The following ZNF302 variants were observed in gnomAD, a reference collection of about 807,000 sequenced individuals.
The protein encoded by ZNF302 is zinc finger protein 327.
A neutral mutation model predicts 10.8 loss-of-function variants in ZNF302; 12 were observed. That is an observed-to-expected ratio of 1.11 (90% CI 0.71 to 1.79). The LOEUF (loss-of-function observed/expected upper bound fraction) is 1.79, where lower values mean the gene tolerates loss of function less well. ZNF302 is among the 40% of genes most tolerant of loss of function. The pLI is 0.00. For missense variants in ZNF302, 461 were observed against 471.1 expected (o/e 0.98, Z 0.20); for synonymous variants, 178 against 157.5 (o/e 1.13, Z -0.98).
chr19:34,678,925 CT>C lies in ZNF302; in HGVS notation c.9+113del, dbSNP rs1170050138. 7 of 1,266,656 alleles carry C rather than the reference CT, an allele frequency of 5.5e-6. No homozygotes were observed. The East Asian group carries it at 1.4e-4, about 25-fold the overall frequency. 78.5% of individuals were successfully genotyped at this position (1,266,656 alleles called of 1,614,324 possible). ...ATCAAGTCCATTTAAGGGACTAGAT[CT>C]ATGGTTCCTTTCACTATAGGAAGAA... is the stretch of plus-strand genomic sequence containing the variant. On this transcript the variant is annotated intron_variant, in intron 2 of 4. Coordinates refer to ENST00000505242, the MANE Select transcript of ZNF302 (RefSeq NM_001289187.2).
Position 34,678,813 on chromosome 19 carries a change from G to GGTAA in ZNF302, c.9+3_9+6dup, listed in dbSNP as rs1315889819. 1 of 1,613,780 alleles carries GGTAA rather than the reference G, an allele frequency of 6.2e-7. No individual in the cohort carries two copies. Among genetic ancestry groups the GGTAA allele is most frequent in the Non-Finnish European group, 8.5e-7 (1 of 1,179,824 alleles). ...TTGGAAATTGCAGAATAATGTCTCAGGTAAGTCGGTGTGTCCCCAAATCTT... is the reference window on the plus strand; with the variant it reads ...TTGGAAATTGCAGAATAATGTCTCAGGTAAGTAAGTCGGTGTGTCCCCAAATCTT... On this transcript the variant is annotated frameshift_variant and splice_region_variant. Coordinates refer to ENST00000505242, the MANE Select transcript of ZNF302 (RefSeq NM_001289187.2). LOFTEE classifies it high-confidence loss of function.
chr19:34,684,393 C>A lies in ZNF302; in HGVS notation c.356C>A (p.Thr119Lys). 6.2e-7 allele frequency: 1 copy of A among 1,609,778 alleles called. No homozygotes were observed. Among genetic ancestry groups the A allele is most frequent in the Non-Finnish European group, 8.5e-7 (1 of 1,178,560 alleles). The change falls in exon 5 of 5, where the codon ACA (threonine) becomes AAA (lysine). Residue 119 changes from threonine (T) to lysine (K), a missense_variant. By Grantham distance (78) the Thr-to-Lys change is moderately conservative. Coordinates refer to ENST00000505242, the MANE Select transcript of ZNF302 (RefSeq NM_001289187.2). ...AATTCTAATAAGAATTTGGAATATA[C>A]AGAATGCGACACATTTAGAAGCACC... ...FSNSNKNLEY[T>K]ECDTFRSTFH...
intron 2 of ZNF302, chr19:34,680,101 C>T (rs1429163291): frequency 3.2e-6 from 2 of 623,632 alleles, no homozygotes; most frequent in African/African-American, 1.8e-5. Context: ...TTTCTTGAGC[C>T]CTCTGGTGTA....
In ZNF302 at chr19:34,684,483, A is replaced by G; in HGVS notation, c.446A>G (p.Tyr149Cys). Residue 149 changes from tyrosine (Y) to cysteine (C), a missense_variant, in exon 5 of 5, where the codon TAT becomes TGT. Tyr to Cys is a radical substitution (Grantham distance 194). Transcript: ENST00000505242. ...NNSAEGNSHK[Y>C]DILKKNLSKK... is the part of the protein sequence containing the mutation. ...TCTGCTGAAGGGAATTCACACAAAT[A>G]TGATATATTAAAGAAGAATTTATCA... 6.2e-7 allele frequency: 1 copy of G among 1,612,734 alleles called. No homozygotes were observed. Among genetic ancestry groups the G allele is most frequent in the East Asian group, 2.2e-5 (1 of 44,854 alleles).
At chr19:34,682,453 TGA>T in intron 2 of ZNF302, 1 of 204,704 alleles carries the variant, frequency 4.9e-6, no homozygotes, top group South Asian at 9.4e-5. Flanking sequence ...ACTAAATACT[TGA>T]CTCTGTGCTG....
Position 34,684,624 on chromosome 19 carries a change from A to G in ZNF302, c.587A>G (p.Asn196Ser). 6.2e-7 allele frequency: 1 copy of G among 1,614,110 alleles called. No homozygotes were observed. Residue 196 changes from asparagine (N) to serine (S), a missense_variant, in exon 5 of 5, where the codon AAT (asparagine) becomes AGT (serine). Asn to Ser is a conservative substitution (Grantham distance 46). Coordinates refer to ENST00000505242, the MANE Select transcript of ZNF302 (RefSeq NM_001289187.2). The part of the protein sequence containing the change: ...SKSLTLPQTC[N>S]REKIYTCSEC... ...TCTCTTACCCTTCCCCAGACTTGTAATAGAGAGAAAATCTATACATGCAGT... is the reference window on the plus strand; with the variant it reads ...TCTCTTACCCTTCCCCAGACTTGTAGTAGAGAGAAAATCTATACATGCAGT...
intron 2 of ZNF302, chr19:34,679,731 A>T: frequency 1.7e-6 from 1 of 601,552 alleles, no homozygotes; most frequent in African/African-American, 1.8e-5. Context: ...AGTGTGTGTC[A>T]CTCACTAGCT....
At chr19:34,680,028 A>C in intron 2 of ZNF302, 1 of 676,982 alleles carries the variant, frequency 1.5e-6, no homozygotes, top group Non-Finnish European at 2.7e-6. Context: ...TAGAATTGAA[A>C]AACTGGTGTG....
rs1293539115 is a variant in ZNF302 at position 34,686,262 on chromosome 19, A to G, written c.*1025A>G. The G allele has an allele frequency of 6.6e-6, 1 of 152,218 alleles. No homozygotes were observed. Among genetic ancestry groups the G allele is most frequent in the Non-Finnish European group, 1.5e-5 (1 of 68,038 alleles). The allele number at this position is 152,218 out of a possible 1,614,324, so 9.4% of individuals were successfully genotyped here. On this transcript the variant is annotated 3_prime_UTR_variant, in exon 5 of 5. Coordinates refer to ENST00000505242, the MANE Select transcript of ZNF302 (RefSeq NM_001289187.2). ...TTCTACTTAGAAATTCTTTTTAGCT[A>G]GTGGGCATGTGAAGATATTTAGTCA...
At chr19:34,683,954 T>A in intron 4 of ZNF302, 1 of 1,309,070 alleles carries the variant, frequency 7.6e-7, no homozygotes, top group Non-Finnish European at 9.8e-7. Context: ...TTTCTGATAC[T>A]TTCCTTTTTT....
chr19:34,682,933 A>G lies in ZNF302; in HGVS notation c.130+36A>G, dbSNP rs756752427. 1.9e-6 allele frequency: 3 copies of G among 1,603,616 alleles called. No homozygotes were observed. In the East Asian group the frequency reaches 6.7e-5, roughly 36 times the overall value. Reference sequence around the variant, plus strand: ...CACCCCTTCCACTCCAATAGGGGACACCTTTCTTTTGCCACCCTGAATTGC... The same window carrying G: ...CACCCCTTCCACTCCAATAGGGGACGCCTTTCTTTTGCCACCCTGAATTGC... On this transcript the variant is annotated intron_variant, in intron 3 of 4. Coordinates refer to ENST00000505242, the MANE Select transcript of ZNF302 (RefSeq NM_001289187.2).
rs1306670729 is a variant in ZNF302, at chr19:34,685,277, A to G, written c.*40A>G. ...CTTCAACCAGCTTGAATCACTGAAT[A>G]TGCATTTGAGAAATCACATTAGATT... On this transcript the variant is annotated 3_prime_UTR_variant, in exon 5 of 5. Coordinates refer to ENST00000505242, the MANE Select transcript of ZNF302 (RefSeq NM_001289187.2). The G allele has an allele frequency of 1.2e-6, 2 of 1,613,930 alleles. No individual in the cohort carries two copies. The highest frequency in any genetic ancestry group is 2.2e-5 in the East Asian group (1 of 44,864).
In ZNF302 at chr19:34,684,887, C is replaced by G; in HGVS notation, c.850C>G (p.Pro284Ala). ...TCAGAGCACTCACACGGGAGAGAAACCGTATGAATGTATGAACTGTGGAAA... is the reference window on the plus strand; with the variant it reads ...TCAGAGCACTCACACGGGAGAGAAAGCGTATGAATGTATGAACTGTGGAAA... ...NHQSTHTGEKPYECMNCGKSF... is the reference protein window; with the variant it reads ...NHQSTHTGEKAYECMNCGKSF... Residue 284 changes from proline to alanine, a missense_variant, in exon 5 of 5, where the codon CCG becomes GCG. Pro to Ala is a conservative substitution (Grantham distance 27). Transcript: ENST00000505242. The G allele has an allele frequency of 6.2e-7, 1 of 1,613,896 alleles. No individual in the cohort carries two copies. The highest frequency in any genetic ancestry group is 2.2e-5 in the East Asian group (1 of 44,880).
upstream of ZNF302, chr19:34,677,535 G>C (rs572009388): frequency 3.3e-5 from 5 of 152,432 alleles, no homozygotes; most frequent in East Asian, 9.6e-4. Flanking sequence ...TGACCGGTTT[G>C]CCCGCGGCGC....
chr19:34,678,955 A>G, intron 2 of ZNF302, 142 bp downstream of exon 2: 1 of 936,994 alleles, frequency 1.1e-6, no homozygotes, highest in Non-Finnish European at 1.6e-6. Flanking sequence ...GGAAGAATGG[A>G]GCCCACAGGA....
Position 34,685,768 on chromosome 19 carries a change from T to C in ZNF302, c.*531T>C. 1 of 541,460 alleles carries C rather than the reference T, an allele frequency of 1.8e-6. No homozygotes were observed. The highest frequency in any genetic ancestry group is 3.2e-5 in the Admixed American group (1 of 30,994). The allele number at this position is 541,460 out of a possible 1,614,324, so 33.5% of individuals were successfully genotyped here. The stretch of plus-strand genomic sequence containing the variant: ...TTAGCAATGATGCAGATTTTTTTAT[T>C]AGAGTTTATACTGTAGAGAAATCAT... On this transcript the variant is annotated 3_prime_UTR_variant, in exon 5 of 5. Coordinates refer to ENST00000505242, the MANE Select transcript of ZNF302 (RefSeq NM_001289187.2).
chr19:34,683,916 TGTAATCC>T, intron 4 of ZNF302: 1 of 1,189,976 alleles, frequency 8.4e-7, no homozygotes, highest in East Asian at 2.9e-5. Context: ...AATGATGATT[TGTAATCC>T]TGAATGCCTT....
At chr19:34,679,838 C>G in intron 2 of ZNF302, 1 of 702,754 alleles carries the variant, frequency 1.4e-6, no homozygotes, top group Non-Finnish European at 2.6e-6. Flanking sequence ...CGTCAGTACC[C>G]AGAGTGTTAC....
chr19:34,680,068 G>C, intron 2 of ZNF302: 1 of 642,364 alleles, frequency 1.6e-6, no homozygotes, highest in Non-Finnish European at 2.8e-6. Flanking sequence ...CCAGTTACTC[G>C]GGAGGCTGAT....
Sources: allele counts gnomAD v4.1 joint callset, GRCh38; gene constraint gnomAD v4.1.1; transcripts MANE v1.5; gene names NCBI Gene and HGNC (gene_info 2026-07-23, HGNC 2026-07-21).